Variants in KHDRBS3 observed in about 807,000 individuals in gnomAD.
The protein encoded by KHDRBS3 is KH domain-containing, RNA-binding, signal transduction-associated protein 3.
In KHDRBS3, 23 loss-of-function variants were observed where a neutral mutation model predicts 45.6. The observed-to-expected ratio is 0.50, with a 90% CI of 0.36 to 0.72. The LOEUF (loss-of-function observed/expected upper bound fraction) is 0.72. KHDRBS3 is among the 30% of genes least tolerant of loss of function. KHDRBS3 has a pLI of 0.00. For missense variants in KHDRBS3, 352 were observed against 424.8 expected (o/e 0.83, Z 1.51); for synonymous variants, 162 against 156.5 (o/e 1.04, Z -0.26).
chr8:135,491,129 G>C (rs1823129133), intron 1 of KHDRBS3, among the ~76,000 whole-genome samples: 1 of 152,070 alleles, frequency 6.6e-6, no homozygotes, highest in South Asian at 2.1e-4. Context: ...ATTTTGTACT[G>C]ATGGTATTGC....
intron 5 of KHDRBS3, among the ~76,000 whole-genome samples, chr8:135,560,098 T>G (rs2130843277): frequency 6.6e-6 from 1 of 152,264 alleles, no homozygotes; most frequent in Middle Eastern, 3.4e-3. Flanking sequence ...CTCCCACACA[T>G]GACATTTATA....
intron 5 of KHDRBS3, among the ~76,000 whole-genome samples, chr8:135,575,406 C>T (rs1401697686): frequency 1.3e-5 from 2 of 152,226 alleles, no homozygotes; most frequent in Non-Finnish European, 2.9e-5. Flanking sequence ...ACTGTCCTTC[C>T]CCAGCTCCAC....
intron 7 of KHDRBS3, among the ~76,000 whole-genome samples, chr8:135,611,660 A>T (rs1563805331): frequency 6.6e-6 from 1 of 151,832 alleles, no homozygotes; most frequent in Admixed American, 6.6e-5. Context: ...TTTTCTTTGA[A>T]GGACACCAGT....
intron 5 of KHDRBS3, among the ~76,000 whole-genome samples, chr8:135,560,288 CA>C (rs1173729675): frequency 6.6e-6 from 1 of 151,894 alleles, no homozygotes; most frequent in East Asian, 1.9e-4. Context: ...TAACTTTATA[CA>C]AGTAAGAGTA....
chr8:135,577,675 G>A (rs1468002632), intron 5 of KHDRBS3, among the ~76,000 whole-genome samples: 17 of 152,044 alleles, frequency 1.1e-4, no homozygotes, highest in Admixed American at 1.0e-3. Context: ...GGGCATCTTG[G>A]TTGCTATGAA....
At chr8:135,477,978 T>C (rs1258028602) in intron 1 of KHDRBS3, among the ~76,000 whole-genome samples, 7 of 152,130 alleles carry the variant, frequency 4.6e-5, no homozygotes, top group Admixed American at 4.6e-4. Context: ...GAGCGCTGCC[T>C]CCTGTCAGAT....
At chr8:135,638,281 C>T (rs558812130) in intron 7 of KHDRBS3, among the ~76,000 whole-genome samples, 1 of 152,278 alleles carries the variant, frequency 6.6e-6, no homozygotes, top group African/African-American at 2.4e-5. Flanking sequence ...TGTAACAATG[C>T]GAGGCCAAAC....
intron 1 of KHDRBS3, among the ~76,000 whole-genome samples, chr8:135,466,266 A>G (rs1465675819): frequency 6.6e-6 from 1 of 152,208 alleles, no homozygotes; most frequent in Non-Finnish European, 1.5e-5. Context: ...TATGCCTGGC[A>G]CTGTAGCTAG....
At chr8:135,470,038 C>A (rs1219561227) in intron 1 of KHDRBS3, among the ~76,000 whole-genome samples, 2 of 152,116 alleles carry the variant, frequency 1.3e-5, no homozygotes, top group African/African-American at 4.8e-5. Flanking sequence ...ATTCAAAAGT[C>A]GATTTTAAAC....
At chr8:135,547,871 T>C (rs1201352341) in intron 3 of KHDRBS3, among the ~76,000 whole-genome samples, 1 of 152,140 alleles carries the variant, frequency 6.6e-6, no homozygotes, top group Non-Finnish European at 1.5e-5. Flanking sequence ...AATCAGGACC[T>C]AAAATTGAAG....
chr8:135,602,504 C>G (rs1218607860), intron 6 of KHDRBS3, among the ~76,000 whole-genome samples: 2 of 151,932 alleles, frequency 1.3e-5, no homozygotes, highest in Non-Finnish European at 2.9e-5. Context: ...ATTGTAATAT[C>G]TGACAGAATA....
chr8:135,499,574 A>G (rs1043507368), intron 1 of KHDRBS3, among the ~76,000 whole-genome samples: 1 of 152,204 alleles, frequency 6.6e-6, no homozygotes, highest in Non-Finnish European at 1.5e-5. Context: ...TTTTGGAGAT[A>G]TAAAATCTTA....
chr8:135,581,124 T>C (rs1263196963), intron 5 of KHDRBS3, among the ~76,000 whole-genome samples: 3 of 152,214 alleles, frequency 2.0e-5, no homozygotes, highest in South Asian at 2.1e-4. Flanking sequence ...GCCTGCCAGC[T>C]GCAGTTCTTC....
At chr8:135,530,903 C>A (rs1415390048) in intron 2 of KHDRBS3, among the ~76,000 whole-genome samples, 1 of 152,100 alleles carries the variant, frequency 6.6e-6, no homozygotes, top group Admixed American at 6.6e-5. Context: ...ACACTATCAC[C>A]CCTTACCCTA....
Position 135,645,114 on chromosome 8 carries a change from T to C in KHDRBS3, c.946T>C (p.Tyr316His). ...ACTCAGTGAGGAGACTTATGATTCC[T>C]ACGGTGAGTGACTGGCCAGAGCATG... is the stretch of plus-strand genomic sequence containing the variant. ...HGLSEETYDS[Y>H]GQEEWTNSRH... The change falls in exon 8 of 9, where the codon TAC becomes CAC. Residue 316 changes from tyrosine (Y) to histidine (H), a missense_variant. Tyr to His is a moderately conservative substitution (Grantham distance 83). Transcript: ENST00000355849. The C allele has an allele frequency of 6.2e-7, 1 of 1,613,654 alleles. No individual in the cohort carries two copies. Among genetic ancestry groups the C allele is most frequent in the Non-Finnish European group, 8.5e-7 (1 of 1,179,848 alleles).
chr8:135,652,467 C>A (rs1422188524), downstream of KHDRBS3, among the ~76,000 whole-genome samples: 1 of 152,208 alleles, frequency 6.6e-6, no homozygotes, highest in South Asian at 2.1e-4. Flanking sequence ...CCTGCCCAGC[C>A]GCCTGGAGCA....
chr8:135,598,923 A>G (rs890128769), intron 6 of KHDRBS3, among the ~76,000 whole-genome samples: 3 of 152,228 alleles, frequency 2.0e-5, no homozygotes, highest in Non-Finnish European at 2.9e-5. Flanking sequence ...AAAATGACTC[A>G]AAACTGAAAC....
intron 1 of KHDRBS3, among the ~76,000 whole-genome samples, chr8:135,518,778 CTG>C (rs3029845): frequency 0.8 from 121,537 of 151,698 alleles, 49,196 homozygotes; most frequent in East Asian, 0.96. Flanking sequence ...AATTTTCAAA[CTG>C]TGTGTGTGTG....
intron 6 of KHDRBS3, among the ~76,000 whole-genome samples, chr8:135,601,140 A>G (rs1231059063): frequency 2.0e-5 from 3 of 152,204 alleles, no homozygotes; most frequent in African/African-American, 7.2e-5. Flanking sequence ...AGAGGACTAA[A>G]CAGAGAAGGA....
Sources: gnomAD v4.1 joint callset for allele counts (sites outside exome capture counted in the v4.1 genomes callset) on GRCh38, gnomAD v4.1.1 for gene constraint, MANE v1.5 for transcripts, NCBI Gene and HGNC (gene_info 2026-07-23, HGNC 2026-07-21) for gene names.